The following MALRD1 variants were observed in gnomAD, a reference collection of about 807,000 sequenced individuals.
MALRD1 encodes the protein MAM and LDL receptor class A domain containing 1.
A neutral mutation model predicts 242.1 loss-of-function variants in MALRD1; 247 were observed. That is an observed-to-expected ratio of 1.02 (90% CI 0.92 to 1.13). The LOEUF is 1.13. Ranked by LOEUF, MALRD1 falls within the 50% of genes most tolerant of loss-of-function variation. The pLI is 0.00. For missense variants in MALRD1, 2,989 were observed against 2,533.1 expected (o/e 1.18, Z -3.86); for synonymous variants, 995 against 866.6 (o/e 1.15, Z -2.60).
At chr10:19,113,300 C>A (rs1198029060) in intron 5 of MALRD1, among the ~76,000 whole-genome samples, 2 of 152,132 alleles carry the variant, frequency 1.3e-5, no homozygotes, top group Admixed American at 6.5e-5. Context: ...CCAATGTCCT[C>A]CTTCACAATT....
At chr10:19,532,402 G>A (rs147596186) in intron 32 of MALRD1, among the ~76,000 whole-genome samples, 221 of 152,158 alleles carry the variant, frequency 1.5e-3, no homozygotes, top group Middle Eastern at 3.4e-3. Context: ...TCACAGGCAT[G>A]CATCACCACG....
chr10:19,181,553 G>T (rs191771032), intron 14 of MALRD1, among the ~76,000 whole-genome samples: 21 of 152,278 alleles, frequency 1.4e-4, no homozygotes, highest in African/African-American at 4.3e-4. Flanking sequence ...AGGGGCCAAG[G>T]GAAGGAAATG....
chr10:19,440,208 T>C (rs1393668640), intron 28 of MALRD1, among the ~76,000 whole-genome samples: 3 of 152,214 alleles, frequency 2.0e-5, no homozygotes, highest in Non-Finnish European at 2.9e-5. Context: ...GTTTATATAC[T>C]AGTTTTTAGT....
At chr10:19,313,284 A>G (rs952831575) in intron 21 of MALRD1, among the ~76,000 whole-genome samples, 3 of 106,084 alleles carry the variant, frequency 2.8e-5, no homozygotes, top group African/African-American at 1.1e-4. Flanking sequence ...AAAATATTAA[A>G]CAATTTTCAA....
intron 21 of MALRD1, among the ~76,000 whole-genome samples, chr10:19,317,407 A>G (rs1256152706): frequency 6.6e-6 from 1 of 151,948 alleles, no homozygotes; most frequent in Non-Finnish European, 1.5e-5. Context: ...TACCTTGGAG[A>G]GTAGGATTTC....
At chr10:19,582,290 C>T (rs1436457314) in intron 33 of MALRD1, among the ~76,000 whole-genome samples, 6 of 151,612 alleles carry the variant, frequency 4.0e-5, no homozygotes. Flanking sequence ...GACATGAAGT[C>T]CTTGCCCATG....
chr10:19,454,426 A>T (rs1056413780), intron 29 of MALRD1, among the ~76,000 whole-genome samples: 2 of 140,706 alleles, frequency 1.4e-5, no homozygotes, highest in African/African-American at 5.3e-5. Context: ...ATATATATAT[A>T]TATATAATTA....
chr10:19,733,723 A>AT (rs1835384736), intron 39 of MALRD1, among the ~76,000 whole-genome samples: 1 of 148,042 alleles, frequency 6.8e-6, no homozygotes, highest in African/African-American at 2.5e-5. Context: ...ATATATATAT[A>AT]ATATATATAA....
At chr10:19,095,217 A>G (rs1835981112) in intron 4 of MALRD1, among the ~76,000 whole-genome samples, 1 of 152,242 alleles carries the variant, frequency 6.6e-6, no homozygotes. Context: ...TGAACAGGAT[A>G]TTCATTGTAA....
chr10:19,548,835 T>C (rs60371835), intron 32 of MALRD1, among the ~76,000 whole-genome samples: 7,421 of 152,230 alleles, frequency 0.049, 589 homozygotes, highest in African/African-American at 0.17. Flanking sequence ...AGAACAGCAC[T>C]TCTCCTACTT....
At chr10:19,597,660 A>G (rs972931542) in intron 34 of MALRD1, among the ~76,000 whole-genome samples, 2 of 152,206 alleles carry the variant, frequency 1.3e-5, no homozygotes, top group Non-Finnish European at 2.9e-5. Flanking sequence ...ACAGATGGAT[A>G]TGACACTGTC....
intron 2 of MALRD1, among the ~76,000 whole-genome samples, chr10:19,072,976 A>G (rs977237016): frequency 6.6e-6 from 1 of 151,692 alleles, no homozygotes; most frequent in African/African-American, 2.4e-5. Flanking sequence ...GTGCAGTGGC[A>G]TGATCTCATC....
At chr10:19,305,759 GTA>G in intron 21 of MALRD1, among the ~76,000 whole-genome samples, 1 of 142,582 alleles carries the variant, frequency 7.0e-6, no homozygotes, top group Non-Finnish European at 1.5e-5. Flanking sequence ...AGAGAGTATA[GTA>G]TATATATACA....
intron 32 of MALRD1, among the ~76,000 whole-genome samples, chr10:19,539,282 A>C (rs2131371224): frequency 6.6e-6 from 1 of 152,270 alleles, no homozygotes; most frequent in African/African-American, 2.4e-5. Flanking sequence ...AATTTGTCCA[A>C]GGTCATAGAG....
intron 36 of MALRD1, among the ~76,000 whole-genome samples, chr10:19,657,339 A>G (rs1841203462): frequency 6.6e-6 from 1 of 152,112 alleles, no homozygotes; most frequent in African/African-American, 2.4e-5. Context: ...CTCAATCTTC[A>G]GGTCTTTGCT....
chr10:19,660,109 TGTA>T (rs1564522695), intron 36 of MALRD1, among the ~76,000 whole-genome samples: 2 of 152,158 alleles, frequency 1.3e-5, no homozygotes, highest in South Asian at 4.1e-4. Flanking sequence ...AGTACACCCT[TGTA>T]GTAACAAAAT....
At chr10:19,547,690 A>G (rs1191279275) in intron 32 of MALRD1, among the ~76,000 whole-genome samples, 2 of 147,282 alleles carry the variant, frequency 1.4e-5, no homozygotes, top group Admixed American at 6.9e-5. Context: ...ATGAATTGAC[A>G]TACTTCACTT....
intron 29 of MALRD1, among the ~76,000 whole-genome samples, chr10:19,456,929 T>C (rs912958950): frequency 2.0e-5 from 3 of 151,926 alleles, no homozygotes; most frequent in African/African-American, 7.2e-5. Context: ...TGCACCACCA[T>C]GCCCAGCTAA....
chr10:19,243,657 C>T (rs1483290257), intron 18 of MALRD1, among the ~76,000 whole-genome samples: 1 of 152,008 alleles, frequency 6.6e-6, no homozygotes, highest in Non-Finnish European at 1.5e-5. Context: ...TATACAGCTG[C>T]ACAATTAGAC....
Sources: gnomAD v4.1 joint callset for allele counts (sites outside exome capture counted in the v4.1 genomes callset) on GRCh38, gnomAD v4.1.1 for gene constraint, MANE v1.5 for transcripts, NCBI Gene and HGNC (gene_info 2026-07-23, HGNC 2026-07-21) for gene names.